The following CDH7 variants were observed in gnomAD, a reference collection of about 807,000 sequenced individuals.
CDH7 encodes cadherin-7.
CDH7 carries 25 observed loss-of-function variants against 71.8 expected under a neutral mutation model. The ratio of observed to expected loss-of-function variants is 0.35; its 90% CI spans 0.25 to 0.49. The LOEUF is 0.49. CDH7 is among the 20% of genes least tolerant of loss of function. The pLI is 0.99. For missense variants in CDH7, 862 were observed against 974.6 expected, an observed-to-expected ratio of 0.88 and a Z score of 1.54; for synonymous variants, 381 against 363.8, an observed-to-expected ratio of 1.05 and a Z score of -0.54.
chr18:65,782,134 CTTTCTTTCTTTCTTTCT>C lies in CDH7; in HGVS notation c.210+19085_210+19101del, dbSNP rs1448593486. ...TCTTTCTTTCTTTCTTTCTTTCTTT[CTTTCTTTCTTTCTTTCT>C]TTCTTTCTTTCTTCCTTTCTTTCTT... On this transcript the variant is annotated intron_variant, in intron 2 of 11. Transcript: ENST00000397968. Among the ~76,000 whole-genome samples, 115 of 84,502 alleles carry C rather than the reference CTTTCTTTCTTTCTTTCT, an allele frequency of 1.4e-3. 31 individuals carry two copies. The highest frequency in any genetic ancestry group is 8.3e-3 in the African/African-American group (107 of 12,872). The allele number at this position is 84,502 out of a possible 152,430, so 55.4% of individuals were successfully genotyped here. A position where few individuals can be genotyped will look rare whatever the true frequency, so the allele number is the denominator to read the frequency against.
At chr18:65,792,949 C>T (rs1459931412) in intron 2 of CDH7, among the ~76,000 whole-genome samples, 1 of 152,080 alleles carries the variant, frequency 6.6e-6, no homozygotes, top group Non-Finnish European at 1.5e-5. Context: ...TGAGACCCTG[C>T]CTTGGAGGGT....
At chr18:65,813,606 A>G (rs1232115095) in intron 3 of CDH7, among the ~76,000 whole-genome samples, 1 of 152,078 alleles carries the variant, frequency 6.6e-6, no homozygotes, top group South Asian at 2.1e-4. Context: ...TAAATAACAC[A>G]TAAAGAAAGG....
chr18:65,816,192 G>GT (rs879766582), intron 4 of CDH7, among the ~76,000 whole-genome samples: 128 of 147,608 alleles, frequency 8.7e-4, no homozygotes, highest in Middle Eastern at 3.5e-3. Flanking sequence ...GTTTAGTTTA[G>GT]TTTTTTTTTT....
At chr18:65,792,010 T>C (rs1910728691) in intron 2 of CDH7, among the ~76,000 whole-genome samples, 2 of 152,168 alleles carry the variant, frequency 1.3e-5, no homozygotes, top group Non-Finnish European at 2.9e-5. Context: ...CGCTAATGTG[T>C]TTATACTGTA....
At chr18:65,796,653 C>T (rs551366185) in intron 2 of CDH7, among the ~76,000 whole-genome samples, 12 of 152,184 alleles carry the variant, frequency 7.9e-5, no homozygotes, top group African/African-American at 2.2e-4. Flanking sequence ...GACAAAGTAC[C>T]GATGGCCCCA....
chr18:65,781,749 G>GATTT (rs879722658), intron 2 of CDH7, among the ~76,000 whole-genome samples: 38 of 114,136 alleles, frequency 3.3e-4, no homozygotes, highest in East Asian at 2.7e-3. Context: ...CCTATTGGTT[G>GATTT]ATTTCTTTCT....
chr18:65,845,932 C>T (rs761502298), intron 7 of CDH7, among the ~76,000 whole-genome samples: 60 of 151,866 alleles, frequency 4.0e-4, no homozygotes, highest in Non-Finnish European at 7.1e-4. Flanking sequence ...AGACCCCTGT[C>T]TCTAAAATAA....
intron 11 of CDH7, among the ~76,000 whole-genome samples, chr18:65,868,464 G>A (rs562970764): frequency 1.4e-4 from 22 of 152,258 alleles, no homozygotes; most frequent in Non-Finnish European, 2.8e-4. Flanking sequence ...TCTTTATAAG[G>A]TATTTTTCCA....
At chr18:65,828,903 T>C (rs1171889728) in intron 6 of CDH7, among the ~76,000 whole-genome samples, 2 of 152,224 alleles carry the variant, frequency 1.3e-5, no homozygotes, top group African/African-American at 4.8e-5. Flanking sequence ...ATTCTAACTC[T>C]TTCTATGAAC....
At chr18:65,793,124 T>C (rs934027196) in intron 2 of CDH7, among the ~76,000 whole-genome samples, 1 of 151,944 alleles carries the variant, frequency 6.6e-6, no homozygotes, top group Non-Finnish European at 1.5e-5. Context: ...TTATGAAACA[T>C]TTTTTTTCTA....
intron 1 of CDH7, among the ~76,000 whole-genome samples, chr18:65,759,940 C>T (rs1395854805): frequency 6.6e-6 from 1 of 152,268 alleles, no homozygotes; most frequent in South Asian, 2.1e-4. Flanking sequence ...ATATATAGTA[C>T]TTTGGCGCCT....
At chr18:65,833,023 C>T (rs1254530872) in intron 6 of CDH7, among the ~76,000 whole-genome samples, 1 of 152,178 alleles carries the variant, frequency 6.6e-6, no homozygotes, top group Non-Finnish European at 1.5e-5. Context: ...TCCACTTTGT[C>T]ACACTATGAA....
At position 65,882,686 on chromosome 18, in the gene CDH7, T is replaced by G. The variant is rs118030703; in HGVS notation, c.*1792T>G. ...TTGTAGACATTGTTTTATGACTATA[T>G]AGATATGCTTCTTGCTGTATTAATA... On this transcript the variant is annotated 3_prime_UTR_variant, in exon 12 of 12. Transcript: ENST00000397968. 2.0e-4 allele frequency: 30 copies of G among 152,244 alleles called. No homozygotes were observed. Among genetic ancestry groups the G allele is most frequent in the Non-Finnish European group, 3.7e-4 (25 of 67,976 alleles). 9.4% of individuals were successfully genotyped at this position (152,244 alleles called of 1,614,324 possible).
intron 2 of CDH7, among the ~76,000 whole-genome samples, chr18:65,792,159 G>GCC (rs1204101289): frequency 1.4e-5 from 2 of 147,628 alleles, no homozygotes; most frequent in Non-Finnish European, 3.0e-5. Flanking sequence ...ACTCCATGGA[G>GCC]CCCCAGAATG....
intron 6 of CDH7, 79 bp from the exon 7 acceptor site, chr18:65,843,733 T>A: frequency 7.6e-7 from 1 of 1,307,356 alleles, no homozygotes; most frequent in Non-Finnish European, 1.0e-6. Flanking sequence ...CTAAGCTTAT[T>A]GACATTCATA....
intron 4 of CDH7, among the ~76,000 whole-genome samples, chr18:65,818,239 G>GCTAACTT (rs1568201716): frequency 1.3e-5 from 2 of 152,204 alleles, no homozygotes; most frequent in Non-Finnish European, 2.9e-5. Flanking sequence ...GTTAACTTTG[G>GCTAACTT]ATGCTATAAG....
At chr18:65,853,187 G>C (rs943042537) in intron 7 of CDH7, among the ~76,000 whole-genome samples, 1 of 152,182 alleles carries the variant, frequency 6.6e-6, no homozygotes, top group African/African-American at 2.4e-5. Flanking sequence ...AGAGATTGTT[G>C]TAAGTTCACA....
chr18:65,798,298 A>C (rs1910989580), intron 2 of CDH7, among the ~76,000 whole-genome samples: 4 of 152,188 alleles, frequency 2.6e-5, no homozygotes, highest in Admixed American at 2.6e-4. Flanking sequence ...AACTTTTATG[A>C]ATTTTGCCAT....
At chr18:65,767,089 C>CTTTTTTTTTTTTTTTTTT (rs35258266) in intron 2 of CDH7, among the ~76,000 whole-genome samples, 2 of 139,960 alleles carry the variant, frequency 1.4e-5, no homozygotes, top group Non-Finnish European at 1.5e-5. Context: ...ATCACTCTTT[C>CTTTTTTTTTTTTTTTTTT]TTTCTTTTTT....
Sources: gnomAD v4.1 joint callset for allele counts (sites outside exome capture counted in the v4.1 genomes callset) on GRCh38, gnomAD v4.1.1 for gene constraint, MANE v1.5 for transcripts, NCBI Gene and HGNC (gene_info 2026-07-23, HGNC 2026-07-21) for gene names.